Variants in DLG2 observed in about 807,000 individuals in gnomAD.
The protein encoded by DLG2 is disks large homolog 2.
Under a neutral mutation model 132.5 loss-of-function variants are expected in DLG2, and 45 were observed. The observed-to-expected ratio is 0.34, with a 90% confidence interval of 0.27 to 0.44. DLG2 has a LOEUF of 0.44. Among genes scored for constraint, DLG2 ranks in the 20% least tolerant of loss-of-function variants. DLG2 has a pLI of 1.00. For synonymous variants in DLG2, 424 were observed against 419.6 expected (o/e 1.01, Z -0.13); for missense variants, 1,045 against 1,196.9 (o/e 0.87, Z 1.87).
At chr11:84,934,530 T>TTTG (rs2048502368) in intron 6 of DLG2, among the ~76,000 whole-genome samples, 1 of 133,842 alleles carries the variant, frequency 7.5e-6, no homozygotes, top group African/African-American at 2.8e-5. Flanking sequence ...GTTTTGTTTT[T>TTTG]TTTTTTTTTT....
chr11:83,605,007 C>CAGAGAG (rs71066055), intron 19 of DLG2, among the ~76,000 whole-genome samples: 1,412 of 129,906 alleles, frequency 0.011, 46 homozygotes, highest in African/African-American at 0.037. Flanking sequence ...TTTTCAAAGA[C>CAGAGAG]AGAGAGAGAG....
At chr11:84,122,292 C>T (rs1459271030) in intron 9 of DLG2, among the ~76,000 whole-genome samples, 2 of 152,094 alleles carry the variant, frequency 1.3e-5, no homozygotes, top group Admixed American at 1.3e-4. Flanking sequence ...TGCACTCCAG[C>T]CTGGGTGACA....
At position 83,704,916 on chromosome 11, in the gene DLG2, C is replaced by T. The variant is rs142378771; in HGVS notation, c.1826-71591G>A. 9.3e-4 allele frequency among the ~76,000 whole-genome samples: 141 copies of T among 152,246 alleles called. 1 individual carries two copies. Among genetic ancestry groups the T allele is most frequent in the South Asian group, 8.9e-3 (43 of 4,820 alleles). On this transcript the variant is annotated intron_variant, in intron 18 of 27. Transcript: ENST00000376104. The stretch of plus-strand genomic sequence containing the variant: ...TATTAAGTTATTCAGACTAAACTTC[C>T]GGATATTACACTTACTACCTGGGTG...
intron 6 of DLG2, among the ~76,000 whole-genome samples, chr11:84,987,719 T>C (rs1320965886): frequency 6.6e-6 from 1 of 152,138 alleles, no homozygotes; most frequent in Non-Finnish European, 1.5e-5. Context: ...AAGCCACATG[T>C]AAGAGAATGA....
intron 4 of DLG2, among the ~76,000 whole-genome samples, chr11:85,172,997 T>C: frequency 6.6e-6 from 1 of 152,248 alleles, no homozygotes; most frequent in Admixed American, 6.5e-5. Flanking sequence ...TATGAATGAT[T>C]GGGGTACCTG....
intron 4 of DLG2, among the ~76,000 whole-genome samples, chr11:85,185,770 T>C (rs1471993533): frequency 6.6e-6 from 1 of 151,894 alleles, no homozygotes; most frequent in Non-Finnish European, 1.5e-5. Context: ...AACATAATCA[T>C]TATCACATAT....
At chr11:84,576,702 G>A (rs1202142341) in intron 6 of DLG2, among the ~76,000 whole-genome samples, 2 of 152,162 alleles carry the variant, frequency 1.3e-5, no homozygotes, top group Non-Finnish European at 2.9e-5. Context: ...AGTTTGAATT[G>A]ATAATTTTTG....
chr11:85,518,723 G>A (rs770669632), intron 3 of DLG2, among the ~76,000 whole-genome samples: 28 of 152,154 alleles, frequency 1.8e-4, no homozygotes, highest in Admixed American at 2.6e-4. Flanking sequence ...TCCAAGACAT[G>A]TTAGAGATCT....
At chr11:84,752,765 G>A (rs1597339998) in intron 6 of DLG2, among the ~76,000 whole-genome samples, 1 of 119,916 alleles carries the variant, frequency 8.3e-6, no homozygotes, top group African/African-American at 3.3e-5. Context: ...TCCCCTTCCT[G>A]TGTCCATGTG....
chr11:84,494,038 C>T (rs185267560), intron 7 of DLG2, among the ~76,000 whole-genome samples: 2 of 152,242 alleles, frequency 1.3e-5, no homozygotes, highest in African/African-American at 4.8e-5. Flanking sequence ...GCAGTAGGGA[C>T]AAGTGTCATG....
intron 14 of DLG2, among the ~76,000 whole-genome samples, chr11:83,943,722 C>CT (rs1282564836): frequency 6.6e-6 from 1 of 152,170 alleles, no homozygotes; most frequent in Non-Finnish European, 1.5e-5. Flanking sequence ...CAAGTATAGT[C>CT]TTTTTTACTG....
chr11:84,003,732 A>T (rs952469872), intron 11 of DLG2, among the ~76,000 whole-genome samples: 2 of 152,130 alleles, frequency 1.3e-5, no homozygotes, highest in African/African-American at 2.4e-5. Context: ...ATTATAATTA[A>T]ATATGAGATT....
rs1222486667 is a variant in DLG2 at position 84,307,695 on chromosome 11, C to CAAAAAAAAAAAAAAAAAA, written c.520-56422_520-56405dup. Reference sequence around the variant, plus strand: ...TGGGTGAAAGAGCGAGACGCAGTCTCAAAAAAAAAAAAAAAAAAAAAGAAG... The same window carrying CAAAAAAAAAAAAAAAAAA: ...TGGGTGAAAGAGCGAGACGCAGTCTCAAAAAAAAAAAAAAAAAAAAAAAAAAAAAAAAAAAAAAAGAAG... On this transcript the variant is annotated intron_variant, in intron 7 of 27. Transcript: ENST00000376104. Among the ~76,000 whole-genome samples the CAAAAAAAAAAAAAAAAAA allele has an allele frequency of 2.3e-3, 180 of 77,930 alleles. 6 individuals carry two copies. Among genetic ancestry groups the CAAAAAAAAAAAAAAAAAA allele is most frequent in the East Asian group, 9.4e-3 (33 of 3,504 alleles). The allele number at this position is 77,930 out of a possible 152,430, so 51.1% of individuals were successfully genotyped here.
chr11:84,992,400 TAAGTA>T (rs1284306908), intron 6 of DLG2, among the ~76,000 whole-genome samples: 2 of 152,178 alleles, frequency 1.3e-5, no homozygotes, highest in Non-Finnish European at 2.9e-5. Context: ...AAAATATTTT[TAAGTA>T]AATATATCAG....
At chr11:84,063,084 G>A (rs2096617175) in intron 10 of DLG2, among the ~76,000 whole-genome samples, 1 of 152,030 alleles carries the variant, frequency 6.6e-6, no homozygotes, top group Non-Finnish European at 1.5e-5. Flanking sequence ...AGACCAGCCT[G>A]GGCATCAAAA....
At chr11:84,048,141 C>T (rs1344166557) in intron 11 of DLG2, among the ~76,000 whole-genome samples, 3 of 150,746 alleles carry the variant, frequency 2.0e-5, no homozygotes, top group Non-Finnish European at 4.4e-5. Context: ...ATATGGTGTC[C>T]TTCATTTAAT....
chr11:84,915,913 T>A (rs905099105), intron 6 of DLG2, among the ~76,000 whole-genome samples: 1 of 152,146 alleles, frequency 6.6e-6, no homozygotes, highest in African/African-American at 2.4e-5. Context: ...TGCCCTCAAG[T>A]AGCTTATAGT....
chr11:85,224,936 T>G (rs2074883007), intron 4 of DLG2, among the ~76,000 whole-genome samples: 1 of 152,204 alleles, frequency 6.6e-6, no homozygotes, highest in South Asian at 2.1e-4. Context: ...TTATTTTTCT[T>G]TATTTTATAA....
chr11:85,032,012 C>T (rs2508327), intron 6 of DLG2, among the ~76,000 whole-genome samples: 21,191 of 139,630 alleles, frequency 0.15, 1,711 homozygotes, highest in East Asian at 0.28. Context: ...ATGTTGGCCA[C>T]GGCTGGTCTT....
Sources: gnomAD v4.1 joint callset for allele counts (sites outside exome capture counted in the v4.1 genomes callset) on GRCh38, gnomAD v4.1.1 for gene constraint, MANE v1.5 for transcripts, NCBI Gene and HGNC (gene_info 2026-07-23, HGNC 2026-07-21) for gene names.